DGKB: variants seen among roughly 807,000 people sequenced by gnomAD.
The protein encoded by DGKB is diacylglycerol kinase beta.
DGKB carries 67 observed loss-of-function variants against 114.3 expected under a neutral mutation model. That is an observed-to-expected ratio of 0.59 (90% CI 0.48 to 0.72). The LOEUF (loss-of-function observed/expected upper bound fraction) is 0.72. Ranked by LOEUF, DGKB falls within the 30% of genes least tolerant of loss-of-function variation. DGKB has a pLI of 0.00. For synonymous variants in DGKB, 398 were observed against 323.1 expected (o/e 1.23, Z -2.49); for missense variants, 907 against 975.2 (o/e 0.93, Z 0.93).
intron 1 of DGKB, among the ~76,000 whole-genome samples, chr7:14,974,401 A>T (rs1787672019): frequency 6.6e-6 from 1 of 152,134 alleles, no homozygotes; most frequent in Non-Finnish European, 1.5e-5. Context: ...GTACAAGTAG[A>T]TGACTCACTT....
Position 14,580,908 on chromosome 7 carries a change from AG to A in DGKB, c.1562del (p.Pro521LeufsTer8), listed in dbSNP as rs1198119962. The A allele has an allele frequency of 6.2e-7, 1 of 1,604,990 alleles. No homozygotes were observed. Among genetic ancestry groups the A allele is most frequent in the Non-Finnish European group, 8.5e-7 (1 of 1,173,774 alleles). On this transcript the variant is annotated frameshift_variant, in exon 19 of 26. Coordinates refer to ENST00000402815, the MANE Select transcript of DGKB (RefSeq NM_001350709.2). LOFTEE classifies it high-confidence loss of function. ...VGKHPPVAIL[P>X]LGTGNDLARC... Reference sequence around the variant, plus strand: ...TTGCTAGATCATTGCCAGTCCCAAGAGGCAGAATCGCAACTGGAGGATGCTT... The same window carrying A: ...TTGCTAGATCATTGCCAGTCCCAAGAGCAGAATCGCAACTGGAGGATGCTT...
At chr7:14,878,026 G>A (rs1441430480) in intron 1 of DGKB, among the ~76,000 whole-genome samples, 2 of 149,730 alleles carry the variant, frequency 1.3e-5, no homozygotes, top group African/African-American at 4.9e-5. Flanking sequence ...TTAATTCATC[G>A]ATCTTATGGT....
chr7:14,943,306 T>C (rs1010656808), intron 1 of DGKB, among the ~76,000 whole-genome samples: 1 of 151,666 alleles, frequency 6.6e-6, no homozygotes, highest in African/African-American at 2.4e-5. Flanking sequence ...CTTTCTTGAA[T>C]TCTAGTAGTA....
chr7:14,393,973 A>G (rs1435042306), intron 21 of DGKB, among the ~76,000 whole-genome samples: 2 of 152,106 alleles, frequency 1.3e-5, no homozygotes, highest in Non-Finnish European at 2.9e-5. Flanking sequence ...CTGTATGGTG[A>G]ATTTTTAAAA....
At chr7:14,474,530 T>G (rs561064832) in intron 21 of DGKB, among the ~76,000 whole-genome samples, 1 of 152,346 alleles carries the variant, frequency 6.6e-6, no homozygotes, top group South Asian at 2.1e-4. Flanking sequence ...TGTTACATAG[T>G]TTTACACAAG....
chr7:14,248,748 G>T (rs1188561508), intron 23 of DGKB, among the ~76,000 whole-genome samples: 4 of 151,974 alleles, frequency 2.6e-5, no homozygotes. Context: ...TTTTGGTATA[G>T]TCTGGAGTTT....
intron 20 of DGKB, among the ~76,000 whole-genome samples, chr7:14,572,562 A>G (rs1798561113): frequency 6.6e-6 from 1 of 152,186 alleles, no homozygotes; most frequent in Non-Finnish European, 1.5e-5. Context: ...CCAAGTAGAA[A>G]TTCTGGAGTT....
intron 23 of DGKB, among the ~76,000 whole-genome samples, chr7:14,278,429 C>T (rs1031108192): frequency 2.0e-5 from 3 of 152,242 alleles, no homozygotes; most frequent in South Asian, 2.1e-4. Flanking sequence ...TTGGGAAACC[C>T]GGATATCCAC....
intron 21 of DGKB, among the ~76,000 whole-genome samples, chr7:14,461,233 C>G (rs899023026): frequency 2.6e-5 from 4 of 151,494 alleles, no homozygotes; most frequent in Non-Finnish European, 5.9e-5. Context: ...TAGCAGAAGA[C>G]AAGAAATAGC....
intron 20 of DGKB, among the ~76,000 whole-genome samples, chr7:14,495,739 T>G (rs1233350262): frequency 6.6e-6 from 1 of 151,780 alleles, no homozygotes; most frequent in Non-Finnish European, 1.5e-5. Flanking sequence ...CTGGCATGGT[T>G]TACTTCAAAA....
At chr7:14,293,383 T>C (rs1802063133) in intron 23 of DGKB, among the ~76,000 whole-genome samples, 1 of 152,148 alleles carries the variant, frequency 6.6e-6, no homozygotes. Context: ...ATGACTTCTG[T>C]TTTCTATTGC....
At chr7:14,862,279 C>A (rs956490682) in intron 1 of DGKB, among the ~76,000 whole-genome samples, 11 of 151,924 alleles carry the variant, frequency 7.2e-5, no homozygotes, top group African/African-American at 2.4e-4. Context: ...ACATAGTTAC[C>A]ACTGTGTGTA....
At chr7:14,404,739 T>A (rs961900434) in intron 21 of DGKB, among the ~76,000 whole-genome samples, 4 of 151,816 alleles carry the variant, frequency 2.6e-5, no homozygotes, top group African/African-American at 4.8e-5. Context: ...TCTTTTCTGC[T>A]CTGCTTGTCT....
chr7:14,598,247 C>T (rs1169444228), intron 17 of DGKB, among the ~76,000 whole-genome samples: 3 of 152,188 alleles, frequency 2.0e-5, no homozygotes, highest in Admixed American at 1.3e-4. Context: ...ATAAAAATGG[C>T]ATTACTTGAT....
At chr7:14,217,616 G>A (rs532785648) in intron 23 of DGKB, among the ~76,000 whole-genome samples, 8 of 151,554 alleles carry the variant, frequency 5.3e-5, no homozygotes, top group Non-Finnish European at 8.8e-5. Flanking sequence ...AAACTAGAAC[G>A]TACATGAGAA....
At chr7:14,771,780 TC>T (rs1451769626) in intron 2 of DGKB, among the ~76,000 whole-genome samples, 2 of 152,098 alleles carry the variant, frequency 1.3e-5, no homozygotes, top group Non-Finnish European at 2.9e-5. Flanking sequence ...CAATAGAGAA[TC>T]CCCTTCCCCC....
chr7:14,743,757 AG>A (rs775051219), intron 4 of DGKB, among the ~76,000 whole-genome samples: 1 of 152,194 alleles, frequency 6.6e-6, no homozygotes, highest in Non-Finnish European at 1.5e-5. Flanking sequence ...TGTAAGCCAC[AG>A]AGATAACCAC....
chr7:14,313,289 A>C (rs559598889), intron 23 of DGKB, among the ~76,000 whole-genome samples: 1 of 152,282 alleles, frequency 6.6e-6, no homozygotes, highest in East Asian at 1.9e-4. Context: ...CCGAATAGGA[A>C]CAGCTCCGGT....
At chr7:14,232,264 T>C (rs751947934) in intron 23 of DGKB, among the ~76,000 whole-genome samples, 1 of 151,898 alleles carries the variant, frequency 6.6e-6, no homozygotes, top group South Asian at 2.1e-4. Flanking sequence ...ACTGGCCCAT[T>C]TTGTACTCAA....
Sources: allele counts gnomAD v4.1 joint callset (sites outside exome capture counted in the v4.1 genomes callset), GRCh38; gene constraint gnomAD v4.1.1; transcripts MANE v1.5; gene names NCBI Gene and HGNC (gene_info 2026-07-23, HGNC 2026-07-21).